Variants in ZNF292 observed in about 807,000 individuals in gnomAD.
The protein encoded by ZNF292 is zinc finger protein 292.
In ZNF292, 26 loss-of-function variants were observed where a neutral mutation model predicts 217.9. The ratio of observed to expected loss-of-function variants is 0.12; its 90% CI spans 0.09 to 0.17. The LOEUF is 0.17. Ranked by LOEUF, ZNF292 falls within the 10% of genes least tolerant of loss-of-function variation. ZNF292 has a pLI of 1.00. For missense variants in ZNF292, 2,904 were observed against 3,175.2 expected (o/e 0.91, Z 2.05); for synonymous variants, 1,257 against 1,124.1 (o/e 1.12, Z -2.37).
chr6:87,160,949 G>A (rs1316964501), intron 1 of ZNF292, among the ~76,000 whole-genome samples: 1 of 151,886 alleles, frequency 6.6e-6, no homozygotes, highest in Non-Finnish European at 1.5e-5. Flanking sequence ...TGAACAGAAA[G>A]AAAAATAGTA....
chr6:87,237,642 G>A (rs1428809867), intron 5 of ZNF292, among the ~76,000 whole-genome samples: 1 of 152,010 alleles, frequency 6.6e-6, no homozygotes, highest in Non-Finnish European at 1.5e-5. Flanking sequence ...TTGAATAGTT[G>A]GCATAAAGAG....
Position 87,245,469 on chromosome 6 carries a change from C to T in ZNF292, c.879-34C>T, listed in dbSNP as rs1038900206. On this transcript the variant is annotated intron_variant, in intron 6 of 7. Coordinates refer to ENST00000369577, the MANE Select transcript of ZNF292 (RefSeq NM_015021.3). Reference sequence around the variant, plus strand: ...TGTCCATGATTATTACCTTACTGCTCCAACTTTTCTTATTATAACTTTTTT... The same window carrying T: ...TGTCCATGATTATTACCTTACTGCTTCAACTTTTCTTATTATAACTTTTTT... The T allele has an allele frequency of 1.2e-5, 17 of 1,444,686 alleles. No homozygotes were observed. The African/African-American group carries it at 1.8e-4, about 15-fold the overall frequency. The allele number at this position is 1,444,686 out of a possible 1,614,324, so 89.5% of individuals were successfully genotyped here.
chr6:87,192,684 T>C (rs544183479), intron 1 of ZNF292, among the ~76,000 whole-genome samples: 200 of 152,338 alleles, frequency 1.3e-3, no homozygotes, highest in African/African-American at 4.6e-3. Context: ...AATGGAATTA[T>C]ATACTTCGTT....
intron 1 of ZNF292, among the ~76,000 whole-genome samples, chr6:87,210,209 T>C (rs1312188378): frequency 1.3e-5 from 2 of 152,214 alleles, no homozygotes; most frequent in Non-Finnish European, 2.9e-5. Context: ...ATTGTTAAAG[T>C]GTGCATTTTT....
chr6:87,218,211 G>A (rs893266893), intron 3 of ZNF292, among the ~76,000 whole-genome samples: 8 of 152,006 alleles, frequency 5.3e-5, no homozygotes, highest in East Asian at 1.9e-4. Flanking sequence ...CACTTAGTTC[G>A]TTATGCAAAT....
intron 5 of ZNF292, among the ~76,000 whole-genome samples, chr6:87,241,004 G>A (rs1481829814): frequency 6.6e-6 from 1 of 152,186 alleles, no homozygotes; most frequent in Non-Finnish European, 1.5e-5. Flanking sequence ...ATTAGCATTG[G>A]CTGAGCACCG....
At chr6:87,230,485 G>A (rs1773594005) in intron 4 of ZNF292, among the ~76,000 whole-genome samples, 1 of 152,126 alleles carries the variant, frequency 6.6e-6, no homozygotes, top group South Asian at 2.1e-4. Context: ...TGTAATCCCA[G>A]CACTTTGGGA....
rs759614427 is a variant in ZNF292, at chr6:87,256,703, T to G, written c.3074T>G (p.Val1025Gly). ...DLTPQNLERQ[V>G]NNLMTFSVQN... ...ACCCCACAAAACTTAGAAAGACAAG[T>G]GAACAACTTGATGACCTTTTCTGTG... The change falls in exon 8 of 8, where the codon GTG (valine) becomes GGG (glycine). Residue 1025 changes from valine (V) to glycine (G), a missense_variant. By Grantham distance (109) the Val-to-Gly change is moderately radical (BLOSUM62 -3). This residue lies in a region of ZNF292 where 687 missense variants were observed against 623.0 expected (regional missense o/e 1.10). Coordinates refer to ENST00000369577, the MANE Select transcript of ZNF292 (RefSeq NM_015021.3). 3.7e-6 allele frequency: 6 copies of G among 1,613,056 alleles called. No individual in the cohort carries two copies. The highest frequency in any genetic ancestry group is 5.1e-6 in the Non-Finnish European group (6 of 1,179,808).
chr6:87,247,622 G>A (rs1376350204), intron 7 of ZNF292, among the ~76,000 whole-genome samples: 1 of 152,080 alleles, frequency 6.6e-6, no homozygotes. Flanking sequence ...CTTTAGGAGG[G>A]ACATATTGTC....
Position 87,227,580 on chromosome 6 carries a change from AAAC to A in ZNF292, c.539-5738_539-5736del, listed in dbSNP as rs576886133. ...CCCCAAGGTGAAAACTATACCCATTAAACAACAACTCCCCTTTTCCCTTAGCCC... is the reference window on the plus strand; with the variant it reads ...CCCCAAGGTGAAAACTATACCCATTAAACAACTCCCCTTTTCCCTTAGCCC... On this transcript the variant is annotated intron_variant, in intron 4 of 7. Transcript: ENST00000369577. Among the ~76,000 whole-genome samples, 162 of 152,288 alleles carry A rather than the reference AAAC, an allele frequency of 1.1e-3. 2 individuals are homozygous for A. Among genetic ancestry groups the A allele is most frequent in the Middle Eastern group, 3.4e-3 (1 of 294 alleles).
At chr6:87,221,924 G>A (rs896118948) in intron 4 of ZNF292, among the ~76,000 whole-genome samples, 3 of 151,946 alleles carry the variant, frequency 2.0e-5, no homozygotes, top group African/African-American at 4.8e-5. Flanking sequence ...ATGACATTAC[G>A]TTTTTGGGCA....
In ZNF292 at chr6:87,256,483, G is replaced by A. The variant is rs1775220766; in HGVS notation, c.2854G>A (p.Gly952Arg). Residue 952 changes from glycine (G) to arginine (R), a missense_variant, in exon 8 of 8, where the codon GGA becomes AGA. By Grantham distance (125) the Gly-to-Arg change is moderately radical. This residue lies in a region of ZNF292 where 687 missense variants were observed against 623.0 expected (regional missense o/e 1.10). Transcript: ENST00000369577. The stretch of plus-strand genomic sequence containing the variant: ...CAATCAGGGGATTGAGGATAACTTT[G>A]GAAAGCAAGAAAACTCAACTGTGGA... The part of the protein sequence containing the change: ...SLNQGIEDNF[G>R]KQENSTVEGS... The A allele has an allele frequency of 2.5e-6, 4 of 1,610,506 alleles. No homozygotes were observed. In the East Asian group the frequency reaches 6.7e-5, roughly 27 times the overall value.
chr6:87,199,963 A>G (rs1355115658), intron 1 of ZNF292, among the ~76,000 whole-genome samples: 2 of 152,206 alleles, frequency 1.3e-5, no homozygotes, highest in Admixed American at 1.3e-4. Flanking sequence ...CCCATGATAG[A>G]CATACACAGT....
chr6:87,163,246 G>T (rs1281655917), intron 1 of ZNF292, among the ~76,000 whole-genome samples: 4 of 152,044 alleles, frequency 2.6e-5, no homozygotes, highest in Non-Finnish European at 5.9e-5. Flanking sequence ...AGTCAGGAGA[G>T]CGAGACCATC....
At chr6:87,233,177 A>C (rs761777810) in intron 4 of ZNF292, 148 bp from the exon 5 acceptor site, 93 of 612,672 alleles carry the variant, frequency 1.5e-4, no homozygotes, top group Non-Finnish European at 2.5e-4. Context: ...TATAAGGTCA[A>C]GTCTTTTGTG....
chr6:87,189,911 A>C (rs1015879734), intron 1 of ZNF292, among the ~76,000 whole-genome samples: 3 of 152,204 alleles, frequency 2.0e-5, no homozygotes, highest in African/African-American at 7.2e-5. Context: ...TCTACATGGG[A>C]AATTTTTCTT....
rs1775673772 is a variant in ZNF292 at position 87,262,884 on chromosome 6, TATC to T, written c.*1088_*1090del. On this transcript the variant is annotated 3_prime_UTR_variant, in exon 8 of 8. Transcript: ENST00000369577. Reference sequence around the variant, plus strand: ...ACATTTTTATAAATCTTAAAATTGATATCATCAAAGTGAGCCCATCTTGTGTTT... The same window carrying T: ...ACATTTTTATAAATCTTAAAATTGATATCAAAGTGAGCCCATCTTGTGTTT... 1 of 152,058 alleles carries T rather than the reference TATC, an allele frequency of 6.6e-6. No homozygotes were observed. The highest frequency in any genetic ancestry group is 1.5e-5 in the Non-Finnish European group (1 of 67,908). 9.4% of individuals were successfully genotyped at this position (152,058 alleles called of 1,614,324 possible).
chr6:87,254,572 A>T, intron 7 of ZNF292, 78 bp from the exon 8 acceptor site: 1 of 1,376,160 alleles, frequency 7.3e-7, no homozygotes. Flanking sequence ...AACAAATCTC[A>T]ATCTTAACTA....
At chr6:87,175,965 G>C (rs1771275485) in intron 1 of ZNF292, among the ~76,000 whole-genome samples, 1 of 152,018 alleles carries the variant, frequency 6.6e-6, no homozygotes, top group African/African-American at 2.4e-5. Flanking sequence ...TTCTACGTTT[G>C]TGACTGTTTA....
Sources: allele counts gnomAD v4.1 joint callset (sites outside exome capture counted in the v4.1 genomes callset), GRCh38; gene constraint gnomAD v4.1.1; regional missense constraint gnomAD v4.1.1; transcripts MANE v1.5; gene names NCBI Gene and HGNC (gene_info 2026-07-23, HGNC 2026-07-21).